Variants in TM9SF2 observed in about 807,000 individuals in gnomAD.
TM9SF2 encodes transmembrane 9 superfamily member 2.
A neutral mutation model predicts 84.9 loss-of-function variants in TM9SF2; 13 were observed. The observed-to-expected ratio is 0.15, with a 90% CI of 0.10 to 0.24. The LOEUF (loss-of-function observed/expected upper bound fraction) is 0.24. Ranked by LOEUF, TM9SF2 falls within the 10% of genes least tolerant of loss-of-function variation. The pLI, the probability that TM9SF2 is intolerant of heterozygous loss-of-function variation, is 1.00. For missense variants in TM9SF2, 562 were observed against 818.5 expected, an observed-to-expected ratio of 0.69 and a Z score of 3.82; for synonymous variants, 273 against 285.8, an observed-to-expected ratio of 0.96 and a Z score of 0.45.
chr13:99,508,403 A>AC (rs2046097747), intron 1 of TM9SF2, among the ~76,000 whole-genome samples: 1 of 108,234 alleles, frequency 9.2e-6, no homozygotes, highest in Non-Finnish European at 2.0e-5. Flanking sequence ...AAGGCAAACA[A>AC]AACACACACA....
At chr13:99,536,252 T>C (rs2046233446) in intron 4 of TM9SF2, among the ~76,000 whole-genome samples, 1 of 152,120 alleles carries the variant, frequency 6.6e-6, no homozygotes, top group East Asian at 1.9e-4. Context: ...ATAAAACTCT[T>C]TCCTACCTAC....
At position 99,520,569 on chromosome 13, in the gene TM9SF2, A is replaced by G. The variant is rs73560215; in HGVS notation, c.333+440A>G. ...CCCGCACTGGGATTTTTGGAAGCTA[A>G]TCTTTCTTTTTTTTTTCCAGACAGA... On this transcript the variant is annotated intron_variant, in intron 3 of 16. Coordinates refer to ENST00000376387, the MANE Select transcript of TM9SF2 (RefSeq NM_004800.3). Among the ~76,000 whole-genome samples, 1,287 of 151,898 alleles carry G rather than the reference A, an allele frequency of 8.5e-3. 17 individuals are homozygous for G. The highest frequency in any genetic ancestry group is 0.03 in the African/African-American group (1,251 of 41,444).
chr13:99,501,886 G>T, intron 1 of TM9SF2, 109 bp downstream of exon 1: 1 of 1,441,034 alleles, frequency 6.9e-7, no homozygotes, highest in South Asian at 1.3e-5. Flanking sequence ...GTAGCAGCGG[G>T]TGGGGTTGAG....
At chr13:99,539,675 T>G in intron 7 of TM9SF2, 118 bp downstream of exon 7, 1 of 693,444 alleles carries the variant, frequency 1.4e-6, no homozygotes, top group East Asian at 2.7e-5. Flanking sequence ...AATGAGCTGA[T>G]TTTTAGGATA....
intron 1 of TM9SF2, among the ~76,000 whole-genome samples, chr13:99,515,734 GTT>G (rs5806117): frequency 2.2e-5 from 3 of 138,558 alleles, no homozygotes; most frequent in African/African-American, 2.7e-5. Context: ...AGAAATACTG[GTT>G]TTTTTTTTTT....
intron 16 of TM9SF2, 97 bp from the exon 17 acceptor site, chr13:99,562,594 G>T (rs2046348913): frequency 1.6e-6 from 2 of 1,220,436 alleles, no homozygotes; most frequent in Non-Finnish European, 2.3e-6. Context: ...ATAGTTTTGC[G>T]ACTTTTTTAA....
chr13:99,559,499 C>G lies in TM9SF2; in HGVS notation c.1889C>G (p.Thr630Ser), dbSNP rs775808520. Residue 630 changes from threonine to serine, a missense_variant, in exon 16 of 17, where the codon ACC (threonine) becomes AGC (serine). Coordinates refer to ENST00000376387, the MANE Select transcript of TM9SF2 (RefSeq NM_004800.3). ...TASTILYFGY[T>S]MIMVLIFFLF... ...AGCACAATTCTGTACTTTGGTTATACCATGATAATGGTTTTGATCTTCTTT... is the reference window on the plus strand; with the variant it reads ...AGCACAATTCTGTACTTTGGTTATAGCATGATAATGGTTTTGATCTTCTTT... 3.7e-6 allele frequency: 6 copies of G among 1,609,884 alleles called. No individual in the cohort carries two copies. Among genetic ancestry groups the G allele is most frequent in the Non-Finnish European group, 5.1e-6 (6 of 1,178,856 alleles).
In TM9SF2 at chr13:99,540,156, T is replaced by C. The variant is rs116339576; in HGVS notation, c.829-558T>C. The stretch of plus-strand genomic sequence containing the variant: ...AGCGAAGTTTCTTAAAATGCAAGTT[T>C]ATCATTAAAATGCAAGAATCTTAGG... On this transcript the variant is annotated intron_variant, in intron 7 of 16. Coordinates refer to ENST00000376387, the MANE Select transcript of TM9SF2 (RefSeq NM_004800.3). 8.4e-3 allele frequency among the ~76,000 whole-genome samples: 1,278 copies of C among 152,310 alleles called. 17 individuals carry two copies. The highest frequency in any genetic ancestry group is 0.028 in the African/African-American group (1,148 of 41,564).
intron 1 of TM9SF2, among the ~76,000 whole-genome samples, chr13:99,508,404 A>AACACACACACACACACACACACACAC (rs61561266): frequency 3.7e-5 from 5 of 134,510 alleles, no homozygotes; most frequent in African/African-American, 1.5e-4. Flanking sequence ...AGGCAAACAA[A>AACACACACACACACACACACACACAC]ACACACACAC....
At chr13:99,559,288 G>C in intron 15 of TM9SF2, 75 bp from the exon 16 acceptor site, 2 of 1,308,654 alleles carry the variant, frequency 1.5e-6, no homozygotes, top group South Asian at 1.7e-5. Context: ...TATTATGCTT[G>C]CTTTGAACCT....
At chr13:99,503,709 CAAAAA>C (rs386380419) in intron 1 of TM9SF2, among the ~76,000 whole-genome samples, 5 of 78,502 alleles carry the variant, frequency 6.4e-5, no homozygotes, top group Admixed American at 1.3e-4. Context: ...GACTTTGTCT[CAAAAA>C]AAAAAAAAAA....
intron 2 of TM9SF2, chr13:99,519,515 T>A (rs1257303000): frequency 6.5e-6 from 1 of 152,742 alleles, no homozygotes; most frequent in Non-Finnish European, 1.5e-5. Flanking sequence ...ACACAGGGAA[T>A]CTTATAGGTG....
chr13:99,561,304 C>T (rs180949798), intron 16 of TM9SF2, among the ~76,000 whole-genome samples: 5 of 152,264 alleles, frequency 3.3e-5, no homozygotes, highest in South Asian at 4.1e-4. Flanking sequence ...AAAGGAAAGA[C>T]GCCACTTTTA....
intron 6 of TM9SF2, among the ~76,000 whole-genome samples, chr13:99,538,316 C>A (rs1278710553): frequency 6.6e-6 from 1 of 152,024 alleles, no homozygotes; most frequent in Non-Finnish European, 1.5e-5. Context: ...GAGATCTCTT[C>A]AACTTATTAT....
In TM9SF2 at chr13:99,546,215, G is replaced by T. The variant is rs372474241; in HGVS notation, c.1151-770G>T. Among the ~76,000 whole-genome samples the T allele has an allele frequency of 1.8e-4, 28 of 152,250 alleles. 1 individual carries two copies. The highest frequency in any genetic ancestry group is 6.2e-4 in the South Asian group (3 of 4,824). On this transcript the variant is annotated intron_variant, in intron 10 of 16. Coordinates refer to ENST00000376387, the MANE Select transcript of TM9SF2 (RefSeq NM_004800.3). ...ATGCACGTTTTAGGGGAAACAATAG[G>T]GGGGGAAACAATGGGGATTTTCTTG...
At chr13:99,535,362 A>G (rs1297051814) in intron 4 of TM9SF2, among the ~76,000 whole-genome samples, 1 of 152,228 alleles carries the variant, frequency 6.6e-6, no homozygotes, top group Non-Finnish European at 1.5e-5. Flanking sequence ...TCCCTCCAGT[A>G]TGGTAGCATG....
At chr13:99,525,506 T>G (rs1295949543) in intron 3 of TM9SF2, among the ~76,000 whole-genome samples, 1 of 151,686 alleles carries the variant, frequency 6.6e-6, no homozygotes, top group African/African-American at 2.4e-5. Context: ...CCTCCCAAAG[T>G]GCTGGGAATA....
intron 3 of TM9SF2, among the ~76,000 whole-genome samples, chr13:99,520,951 G>A (rs898301530): frequency 4.6e-5 from 7 of 152,140 alleles, no homozygotes; most frequent in Non-Finnish European, 1.0e-4. Context: ...CACAATATAA[G>A]GTATTCTTTT....
intron 1 of TM9SF2, among the ~76,000 whole-genome samples, chr13:99,511,970 G>C (rs1254192086): frequency 6.6e-6 from 1 of 152,186 alleles, no homozygotes; most frequent in Non-Finnish European, 1.5e-5. Flanking sequence ...TCAGAATTGT[G>C]CGTGATAGTT....
Sources: allele counts gnomAD v4.1 joint callset (sites outside exome capture counted in the v4.1 genomes callset), GRCh38; gene constraint gnomAD v4.1.1; transcripts MANE v1.5; gene names NCBI Gene and HGNC (gene_info 2026-07-23, HGNC 2026-07-21).